The following CHD6 variants were observed in gnomAD, a reference collection of about 807,000 sequenced individuals.
CHD6 encodes chromodomain helicase DNA binding protein 6.
Under a neutral mutation model 276.9 loss-of-function variants are expected in CHD6, and 50 were observed. That is an observed-to-expected ratio of 0.18 (90% CI 0.14 to 0.23). CHD6 has a LOEUF of 0.23. Among genes scored for constraint, CHD6 ranks in the 10% least tolerant of loss-of-function variants. CHD6 has a pLI of 1.00. For missense variants in CHD6, 2,564 were observed against 3,365.8 expected, an observed-to-expected ratio of 0.76 and a Z score of 5.89; for synonymous variants, 1,173 against 1,229.3, an observed-to-expected ratio of 0.95 and a Z score of 0.96.
chr20:41,413,380 G>A lies in CHD6; in HGVS notation c.7075C>T (p.Leu2359Phe), dbSNP rs1312476427. Residue 2359 changes from leucine to phenylalanine, a missense_variant, in exon 35 of 37, where the codon CTT becomes TTT. Leu to Phe is a conservative substitution (Grantham distance 22, BLOSUM62 0). This residue lies in a region of CHD6 where 1,024 missense variants were observed against 1,047.9 expected (regional missense o/e 0.98). Coordinates refer to ENST00000373233, the MANE Select transcript of CHD6 (RefSeq NM_032221.5). Reference sequence around the variant, plus strand: ...TCAGCCTGCTGCCTTAGCCAGTCAAGCAGACTCTTGCTGGGAATGGATTTC... The same window carrying A: ...TCAGCCTGCTGCCTTAGCCAGTCAAACAGACTCTTGCTGGGAATGGATTTC... ...AEKSIPSKSL[L>F]DWLRQQADYS... is the part of the protein sequence containing the mutation. The A allele has an allele frequency of 2.5e-6, 4 of 1,611,854 alleles. No individual in the cohort carries two copies. Among genetic ancestry groups the A allele is most frequent in the South Asian group, 2.2e-5 (2 of 90,926 alleles).
chr20:41,407,033 G>C (rs904077590), intron 36 of CHD6, among the ~76,000 whole-genome samples: 1 of 152,142 alleles, frequency 6.6e-6, no homozygotes, highest in Non-Finnish European at 1.5e-5. Context: ...GGCTTCAATG[G>C]ATCTTGTCAC....
chr20:41,516,402 G>C (rs1208427793), intron 3 of CHD6, among the ~76,000 whole-genome samples: 1 of 152,066 alleles, frequency 6.6e-6, no homozygotes, highest in Non-Finnish European at 1.5e-5. Context: ...TAAAACTCCT[G>C]ACCTCAAATG....
rs547262167 is a variant in CHD6, at chr20:41,505,187, C to T, written c.853-5830G>A. Among the ~76,000 whole-genome samples the T allele has an allele frequency of 5.0e-4, 76 of 152,228 alleles. 1 individual carries two copies. The highest frequency in any genetic ancestry group is 1.6e-3 in the African/African-American group (67 of 41,548). Reference sequence around the variant, plus strand: ...TTCTACCCCATGCAGGTTAAAAGTCCGACAAATATCTTAAGCAAGAGTCAG... The same window carrying T: ...TTCTACCCCATGCAGGTTAAAAGTCTGACAAATATCTTAAGCAAGAGTCAG... On this transcript the variant is annotated intron_variant, in intron 5 of 36. Transcript: ENST00000373233.
intron 2 of CHD6, among the ~76,000 whole-genome samples, chr20:41,548,556 G>C (rs904790595): frequency 6.6e-6 from 1 of 152,160 alleles, no homozygotes; most frequent in African/African-American, 2.4e-5. Context: ...AGAAAACCTA[G>C]GCAATACCAT....
At chr20:41,543,001 G>A (rs978575264) in intron 2 of CHD6, among the ~76,000 whole-genome samples, 1 of 151,680 alleles carries the variant, frequency 6.6e-6, no homozygotes, top group African/African-American at 2.4e-5. Flanking sequence ...CTACTCAAGA[G>A]GCTAAGGCAG....
chr20:41,563,003 G>A (rs542063357), intron 1 of CHD6, among the ~76,000 whole-genome samples: 33 of 152,260 alleles, frequency 2.2e-4, no homozygotes, highest in African/African-American at 6.7e-4. Context: ...GTGCTTGGCC[G>A]GTCTGAAAGG....
intron 1 of CHD6, among the ~76,000 whole-genome samples, chr20:41,592,750 G>C (rs181275029): frequency 6.6e-6 from 1 of 152,124 alleles, no homozygotes; most frequent in Non-Finnish European, 1.5e-5. Flanking sequence ...CATTAGCAGG[G>C]ATGCAACATG....
rs541517578 is a variant in CHD6 at position 41,478,221 on chromosome 20, T to C, written c.2469-4704A>G. ...TCAGAGCTTCTGGTTGGCTCCACAG[T>C]GCCCCCCCATCTGATGGCCTAAGAT... is the stretch of plus-strand genomic sequence containing the variant. On this transcript the variant is annotated intron_variant, in intron 16 of 36. Coordinates refer to ENST00000373233, the MANE Select transcript of CHD6 (RefSeq NM_032221.5). Among the ~76,000 whole-genome samples, 18 of 152,248 alleles carry C rather than the reference T, an allele frequency of 1.2e-4. 1 individual carries two copies. The South Asian group carries it at 3.7e-3, about 32-fold the overall frequency.
At chr20:41,444,192 T>A (rs575881322) in intron 25 of CHD6, among the ~76,000 whole-genome samples, 4 of 152,272 alleles carry the variant, frequency 2.6e-5, no homozygotes, top group Admixed American at 2.6e-4. Context: ...CAAGTCTGGG[T>A]TGCACTGCGG....
intron 17 of CHD6, among the ~76,000 whole-genome samples, chr20:41,464,413 T>G (rs1600925205): frequency 6.6e-6 from 1 of 152,334 alleles, no homozygotes; most frequent in East Asian, 1.9e-4. Flanking sequence ...AAATGTATTT[T>G]TCACAAAATA....
chr20:41,473,168 T>C lies in CHD6; in HGVS notation c.2664+154A>G, dbSNP rs1476681983. On this transcript the variant is annotated intron_variant, in intron 17 of 36. Transcript: ENST00000373233. This position sits in a 1 kb window ranked among gnomAD's most constrained non-coding sequence, Gnocchi z 4.1. ...TGGAAGGGTCGACATTTACTTTTCA[T>C]TCAGTTTCACCCCCTGACCAAGGCC... is the stretch of plus-strand genomic sequence containing the variant. 1.7e-6 allele frequency: 1 copy of C among 601,588 alleles called. No individual in the cohort carries two copies. The highest frequency in any genetic ancestry group is 2.8e-6 in the Non-Finnish European group (1 of 352,590). The allele number at this position is 601,588 out of a possible 1,614,324, so 37.3% of individuals were successfully genotyped here.
intron 3 of CHD6, among the ~76,000 whole-genome samples, chr20:41,530,333 C>T (rs770157078): frequency 1.1e-4 from 16 of 152,280 alleles, no homozygotes; most frequent in South Asian, 2.1e-4. Flanking sequence ...AAAGACTAGC[C>T]AGGTGGCAGC....
intron 1 of CHD6, among the ~76,000 whole-genome samples, chr20:41,609,276 A>G (rs577568189): frequency 1.3e-5 from 2 of 152,286 alleles, no homozygotes; most frequent in Non-Finnish European, 2.9e-5. Context: ...CCCAGTTTCT[A>G]TAAAACAAAA....
At chr20:41,447,257 G>A (rs2048098279) in intron 24 of CHD6, among the ~76,000 whole-genome samples, 1 of 152,184 alleles carries the variant, frequency 6.6e-6, no homozygotes, top group Non-Finnish European at 1.5e-5. Flanking sequence ...AGCACTCTTG[G>A]TATTCTGTAG....
At chr20:41,523,641 T>G (rs1339645967) in intron 3 of CHD6, among the ~76,000 whole-genome samples, 1 of 151,658 alleles carries the variant, frequency 6.6e-6, no homozygotes, top group Non-Finnish European at 1.5e-5. Context: ...AACGTGTTTT[T>G]TGTTTTTTGT....
chr20:41,432,615 C>G (rs912087337), intron 27 of CHD6, among the ~76,000 whole-genome samples: 4 of 152,028 alleles, frequency 2.6e-5, no homozygotes, highest in Non-Finnish European at 5.9e-5. Flanking sequence ...GTTCCCCTGC[C>G]AAGAAAGGTG....
chr20:41,563,513 CT>C, intron 1 of CHD6, among the ~76,000 whole-genome samples: 2 of 152,248 alleles, frequency 1.3e-5, no homozygotes, highest in Middle Eastern at 3.4e-3. Flanking sequence ...TGGCCAAACT[CT>C]TTGATTTCAG....
chr20:41,438,843 C>T (rs73907163), intron 26 of CHD6, among the ~76,000 whole-genome samples: 2 of 152,148 alleles, frequency 1.3e-5, no homozygotes, highest in Non-Finnish European at 2.9e-5. Flanking sequence ...TCCCAGAATG[C>T]ATCTCGGTTA....
intron 15 of CHD6, 88 bp downstream of exon 15, chr20:41,484,264 A>T (rs763490417): frequency 4.8e-6 from 7 of 1,469,338 alleles, no homozygotes; most frequent in Non-Finnish European, 6.6e-6. Flanking sequence ...CATATAATGA[A>T]AATTCAATAC....
Sources: allele counts gnomAD v4.1 joint callset (sites outside exome capture counted in the v4.1 genomes callset), GRCh38; gene constraint gnomAD v4.1.1; regional missense constraint gnomAD v4.1.1; non-coding constraint Gnocchi (gnomAD v3.1); transcripts MANE v1.5; gene names NCBI Gene and HGNC (gene_info 2026-07-23, HGNC 2026-07-21).